PIK3R6: variants seen among roughly 807,000 people sequenced by gnomAD.
PIK3R6 encodes phosphoinositide-3-kinase regulatory subunit 6, also known as phosphoinositide 3-kinase regulatory subunit 6.
PIK3R6 carries 91 observed loss-of-function variants against 84.9 expected under a neutral mutation model. The observed-to-expected ratio is 1.07, with a 90% CI of 0.90 to 1.28. The LOEUF is 1.28. Ranked by LOEUF, PIK3R6 falls within the 50% of genes most tolerant of loss-of-function variation. The probability of loss-of-function intolerance (pLI) is 0.00; values close to 1 mark genes in which losing one functional copy is unlikely to be tolerated. For synonymous variants in PIK3R6, 416 were observed against 411.4 expected (o/e 1.01, Z -0.13); for missense variants, 996 against 985.1 (o/e 1.01, Z -0.15).
intron 1 of PIK3R6, among the ~76,000 whole-genome samples, chr17:8,855,688 C>T (rs529632777): frequency 6.6e-6 from 1 of 152,318 alleles, no homozygotes; most frequent in East Asian, 1.9e-4. Flanking sequence ...TGGTTTGCTG[C>T]ACCCATCAAC....
chr17:8,828,823 G>A lies in PIK3R6; in HGVS notation c.1057C>T (p.Leu353=). The change falls in exon 11 of 20, where the codon CTG becomes TTG. Residue 353 remains leucine, a synonymous_variant. Transcript: ENST00000619866. ...ERDLPTGADE[L]PAPGSPEMER... is the part of the protein sequence containing the mutation. Reference sequence around the variant, plus strand: ...ATCTCAGGGCTGCCGGGTGCAGGCAGCTCATCAGCCCCCGTGGGAAGGTCC... The same window carrying A: ...ATCTCAGGGCTGCCGGGTGCAGGCAACTCATCAGCCCCCGTGGGAAGGTCC... 1 of 1,591,644 alleles carries A rather than the reference G, an allele frequency of 6.3e-7. No homozygotes were observed. The highest frequency in any genetic ancestry group is 8.6e-7 in the Non-Finnish European group (1 of 1,167,798).
At chr17:8,836,196 G>A (rs905047953) in intron 7 of PIK3R6, among the ~76,000 whole-genome samples, 1 of 152,190 alleles carries the variant, frequency 6.6e-6, no homozygotes, top group Non-Finnish European at 1.5e-5. Context: ...GTCTCCTCTG[G>A]CTGCCTGGCT....
chr17:8,866,392 A>C (rs1460613053), intron 1 of PIK3R6, among the ~76,000 whole-genome samples: 1 of 152,032 alleles, frequency 6.6e-6, no homozygotes, highest in African/African-American at 2.4e-5. Flanking sequence ...AATACAAAAA[A>C]TTAGCCAGGC....
intron 2 of PIK3R6, among the ~76,000 whole-genome samples, chr17:8,841,513 C>T (rs940515886): frequency 5.3e-5 from 8 of 152,182 alleles, no homozygotes; most frequent in African/African-American, 1.9e-4. Context: ...TTGATGTCTC[C>T]TCTTAGGAAT....
At position 8,814,215 on chromosome 17, in the gene PIK3R6, C is replaced by CTTTTTTTTTTTTTTTTT. The variant is rs112750429; in HGVS notation, c.1995+4851_1995+4867dup. 3.7e-4 allele frequency among the ~76,000 whole-genome samples: 32 copies of CTTTTTTTTTTTTTTTTT among 85,538 alleles called. 4 individuals are homozygous for CTTTTTTTTTTTTTTTTT. Among genetic ancestry groups the CTTTTTTTTTTTTTTTTT allele is most frequent in the African/African-American group, 1.2e-3 (24 of 20,618 alleles). The allele number at this position is 85,538 out of a possible 152,430, so 56.1% of individuals were successfully genotyped here. A position where few individuals can be genotyped will look rare whatever the true frequency, so the allele number is the denominator to read the frequency against. ...TCCACTCTTTAGTTCAGAGAGAGAT[C>CTTTTTTTTTTTTTTTTT]TTTTTTTTTTTTTTTTTTTTTTGAG... On this transcript the variant is annotated intron_variant, in intron 18 of 19. Transcript: ENST00000619866.
At chr17:8,817,822 A>C (rs1242221270) in intron 18 of PIK3R6, among the ~76,000 whole-genome samples, 1 of 152,110 alleles carries the variant, frequency 6.6e-6, no homozygotes, top group African/African-American at 2.4e-5. Context: ...ACTCTTCTAG[A>C]AGTACTTTTC....
intron 1 of PIK3R6, among the ~76,000 whole-genome samples, chr17:8,850,387 A>C (rs539852527): frequency 6.6e-6 from 1 of 152,300 alleles, no homozygotes; most frequent in East Asian, 1.9e-4. Flanking sequence ...CACTTAAGAA[A>C]TGCCAACTTT....
chr17:8,814,237 T>TTTTTTTTA (rs2087455102), intron 18 of PIK3R6, among the ~76,000 whole-genome samples: 8 of 135,834 alleles, frequency 5.9e-5, no homozygotes, highest in East Asian at 4.2e-4. Flanking sequence ...TTTTTTTTTT[T>TTTTTTTTA]GAGACAGAGT....
intron 18 of PIK3R6, among the ~76,000 whole-genome samples, chr17:8,817,821 G>C (rs1191077451): frequency 6.6e-6 from 1 of 152,064 alleles, no homozygotes; most frequent in Non-Finnish European, 1.5e-5. Context: ...AACTCTTCTA[G>C]AAGTACTTTT....
intron 12 of PIK3R6, 31 bp downstream of exon 12, chr17:8,828,081 C>A: frequency 1.2e-6 from 2 of 1,607,778 alleles, no homozygotes; most frequent in Non-Finnish European, 1.7e-6. Context: ...CCTGTCTCTG[C>A]CCCGCCACCG....
chr17:8,867,629 A>G lies in PIK3R6; in HGVS notation c.-192T>C. ...CCCAGAGAAGCAGATGTCTTGGGGG[A>G]GCCTCCACGGGTGTCTGTGGTCTTG... On this transcript the variant is annotated 5_prime_UTR_variant, in exon 1 of 20. Coordinates refer to ENST00000619866, the MANE Select transcript of PIK3R6 (RefSeq NM_001010855.4). 1 of 498,334 alleles carries G rather than the reference A, an allele frequency of 2.0e-6. No homozygotes were observed. Among genetic ancestry groups the G allele is most frequent in the Non-Finnish European group, 4.0e-6 (1 of 247,028 alleles). The allele number at this position is 498,334 out of a possible 1,614,324, so 30.9% of individuals were successfully genotyped here.
chr17:8,839,659 G>A lies in PIK3R6; in HGVS notation c.52C>T (p.Leu18Phe). ...LDLQRSVQAV[L>F]RELSTQAPAL... ...GGGGCCTGGGTGCTGAGCTCCCGGA[G>A]CACAGCCTGCACGCTCCTCTGGAGG... Residue 18 changes from leucine (L) to phenylalanine (F), a missense_variant, in exon 3 of 20, where the codon CTC becomes TTC. Physicochemically the swap from Leu to Phe is conservative, Grantham distance 22. Coordinates refer to ENST00000619866, the MANE Select transcript of PIK3R6 (RefSeq NM_001010855.4). This position sits in a 1 kb window ranked among gnomAD's most constrained non-coding sequence, Gnocchi z 4.2. The A allele has an allele frequency of 6.3e-7, 1 of 1,579,644 alleles. No individual in the cohort carries two copies. Among genetic ancestry groups the A allele is most frequent in the Non-Finnish European group, 8.6e-7 (1 of 1,162,370 alleles).
intron 18 of PIK3R6, among the ~76,000 whole-genome samples, chr17:8,805,555 G>A (rs991066911): frequency 3.3e-5 from 5 of 152,130 alleles, no homozygotes; most frequent in African/African-American, 7.2e-5. Flanking sequence ...TCTGTAAGAC[G>A]GGGCAACTCC....
At chr17:8,832,611 C>T (rs2088286693) in intron 9 of PIK3R6, among the ~76,000 whole-genome samples, 1 of 149,432 alleles carries the variant, frequency 6.7e-6, no homozygotes. Context: ...CCCATGTTGC[C>T]TAGGCTGGTC....
intron 18 of PIK3R6, among the ~76,000 whole-genome samples, chr17:8,816,062 C>A (rs933287578): frequency 2.6e-5 from 4 of 152,054 alleles, no homozygotes; most frequent in Non-Finnish European, 4.4e-5. Context: ...GATAAAGCCC[C>A]AAGAAATATG....
chr17:8,832,377 T>TTTG (rs2088272476), intron 9 of PIK3R6, among the ~76,000 whole-genome samples: 1 of 85,400 alleles, frequency 1.2e-5, no homozygotes, highest in Non-Finnish European at 2.6e-5. Flanking sequence ...CCCACCTTCT[T>TTTG]TTTTTTTTTT....
At chr17:8,852,682 T>G (rs2089003303) in intron 1 of PIK3R6, among the ~76,000 whole-genome samples, 1 of 148,524 alleles carries the variant, frequency 6.7e-6, no homozygotes, top group Non-Finnish European at 1.5e-5. Context: ...GAGGTTGTAG[T>G]GAGTCAAGAT....
intron 18 of PIK3R6, among the ~76,000 whole-genome samples, chr17:8,809,919 C>T (rs1446640719): frequency 6.6e-6 from 1 of 152,046 alleles, no homozygotes; most frequent in Admixed American, 6.5e-5. Context: ...ACAAGGTCAT[C>T]TATAATGATA....
chr17:8,830,650 T>A (rs2088202112), intron 9 of PIK3R6, among the ~76,000 whole-genome samples: 1 of 152,134 alleles, frequency 6.6e-6, no homozygotes, highest in Admixed American at 6.6e-5. Flanking sequence ...ATCCTCAATT[T>A]ACAGGGGAGA....
Sources: allele counts gnomAD v4.1 joint callset (sites outside exome capture counted in the v4.1 genomes callset), GRCh38; gene constraint gnomAD v4.1.1; non-coding constraint Gnocchi (gnomAD v3.1); transcripts MANE v1.5; gene names NCBI Gene and HGNC (gene_info 2026-07-23, HGNC 2026-07-21).